The following LAMA5 variants were observed in gnomAD, a reference collection of about 807,000 sequenced individuals.
LAMA5 encodes the protein laminin subunit alpha 5.
Under a neutral mutation model 433.4 loss-of-function variants are expected in LAMA5, and 260 were observed. That is an observed-to-expected ratio of 0.60 (90% CI 0.54 to 0.66). The LOEUF is 0.66. Ranked by LOEUF, LAMA5 falls within the 30% of genes least tolerant of loss-of-function variation. The pLI, the probability that LAMA5 is intolerant of heterozygous loss-of-function variation, is 0.00. For synonymous variants in LAMA5, 2,620 were observed against 2,226.6 expected (o/e 1.18, Z -4.97); for missense variants, 5,378 against 5,258.5 (o/e 1.02, Z -0.70).
At position 62,332,671 on chromosome 20, in the gene LAMA5, G is replaced by A. The variant is rs779123920; in HGVS notation, c.3329C>T (p.Ala1110Val). The change falls in exon 27 of 80, where the codon GCC (alanine) becomes GTC (valine). Residue 1110 changes from alanine to valine, a missense_variant. Transcript: ENST00000252999. ...CTCATTGGCGTACTCCACCACTAGG[G>A]CATAGCGGCCTGGCTGTGGCACTGC... ...QVAVPQPGRY[A>V]LVVEYANEDA... 6.2e-6 allele frequency: 10 copies of A among 1,611,176 alleles called. No homozygotes were observed. Among genetic ancestry groups the A allele is most frequent in the South Asian group, 4.4e-5 (4 of 90,930 alleles).
chr20:62,314,222 GTGCA>G, intron 62 of LAMA5, 78 bp downstream of exon 62: 2 of 1,508,690 alleles, frequency 1.3e-6, no homozygotes, highest in Admixed American at 1.8e-5. Context: ...AGGGTGGTGG[GTGCA>G]CACGGAGAGG....
rs1448866468 is a variant in LAMA5, at chr20:62,326,907, A to G, written c.5172T>C (p.Asp1724=). The part of the protein sequence containing the change: ...YELHSETQRG[D]VFVPMESRPD... ...GCCTGCTCTCCATGGGGACAAAGAC[A>G]TCTCCCCGCTGGGTCTCTGAGTGCA... is the stretch of plus-strand genomic sequence containing the variant. Residue 1724 remains aspartate (D), a synonymous_variant, in exon 39 of 80, where the codon GAT becomes GAC. Coordinates refer to ENST00000252999, the MANE Select transcript of LAMA5 (RefSeq NM_005560.6). The G allele has an allele frequency of 3.7e-6, 6 of 1,612,078 alleles. No homozygotes were observed. The Admixed American group carries it at 5.0e-5, about 13-fold the overall frequency.
intron 48 of LAMA5, among the ~76,000 whole-genome samples, chr20:62,321,539 G>GCCAGTGGAGGAAGAGGGCT: frequency 1.0e-5 from 1 of 97,884 alleles, no homozygotes; most frequent in Admixed American, 1.0e-4. Context: ...AAAGGGTGGC[G>GCCAGTGGAGGAAGAGGGCT]CCAGTGGAGG....
chr20:62,319,659 T>C (rs981659221), intron 51 of LAMA5, 25 bp downstream of exon 51: 2 of 1,503,660 alleles, frequency 1.3e-6, no homozygotes, highest in Non-Finnish European at 9.0e-7. Context: ...CTCTGAGCCC[T>C]GAGCCTGGCT....
chr20:62,351,578 A>G, intron 6 of LAMA5, 126 bp downstream of exon 6: 1 of 839,312 alleles, frequency 1.2e-6, no homozygotes, highest in South Asian at 1.5e-5. Flanking sequence ...GGTCACACAG[A>G]CAGCAGGGTT....
intron 2 of LAMA5, among the ~76,000 whole-genome samples, chr20:62,361,481 GC>G (rs1986125930): frequency 6.6e-6 from 1 of 152,116 alleles, no homozygotes; most frequent in African/African-American, 2.4e-5. Flanking sequence ...CGGCCCTCCA[GC>G]CAGGCTCCAG....
rs977537172 is a variant in LAMA5 at position 62,324,493 on chromosome 20, C to A, written c.5591G>T (p.Cys1864Phe). 6.2e-7 allele frequency: 1 copy of A among 1,612,418 alleles called. No homozygotes were observed. Among genetic ancestry groups the A allele is most frequent in the Non-Finnish European group, 8.5e-7 (1 of 1,179,914 alleles). ...GCGGTCTGAGTGTCCATGGCACTGA[C>A]AAGGGACACATCGGCCCAGGAAGAG... is the stretch of plus-strand genomic sequence containing the variant. ...KGLFLGRCVP[C>F]QCHGHSDRCL... is the part of the protein sequence containing the mutation. The change falls in exon 42 of 80, where the codon TGT (cysteine) becomes TTT (phenylalanine). Residue 1864 changes from cysteine to phenylalanine, a missense_variant. Coordinates refer to ENST00000252999, the MANE Select transcript of LAMA5 (RefSeq NM_005560.6). This position sits in a 1 kb window ranked among gnomAD's most constrained non-coding sequence, Gnocchi z 4.4.
intron 11 of LAMA5, among the ~76,000 whole-genome samples, chr20:62,341,826 C>CAAAAAAAAAAAAAAA (rs11466846): frequency 7.8e-6 from 1 of 128,156 alleles, no homozygotes; most frequent in African/African-American, 3.8e-5. Context: ...TCTGATCAAC[C>CAAAAAAAAAAAAAAA]AAAAAAAAAA....
Position 62,310,662 on chromosome 20 carries a change from C to A in LAMA5, c.10446+3G>T. 1 of 1,602,144 alleles carries A rather than the reference C, an allele frequency of 6.2e-7. No individual in the cohort carries two copies. The stretch of plus-strand genomic sequence containing the variant: ...GTGGGGGCTGGGGCAAGATGGTTCT[C>A]ACCGGAAGTTTGGAGCTGTGGCTGC... On this transcript the variant is annotated splice_donor_region_variant and intron_variant, in intron 75 of 79. Coordinates refer to ENST00000252999, the MANE Select transcript of LAMA5 (RefSeq NM_005560.6).
intron 4 of LAMA5, 70 bp from the exon 5 acceptor site, chr20:62,352,149 CTTTCCCT>C (rs1243557430): frequency 2.7e-5 from 43 of 1,583,674 alleles, no homozygotes; most frequent in Non-Finnish European, 3.4e-5. Flanking sequence ...CCGGGCCCAC[CTTTCCCT>C]TCTCCAGCCC....
In LAMA5 at chr20:62,366,986, C is replaced by A; in HGVS notation, c.260G>T (p.Gly87Val). ...TEDLYCKLVG[G>V]PVAGGDPNQT... ...GTTGGGGTCGCCGCCGGCCACGGGGCCCCCTACCAGCTTGCAGTAAAGGTC... is the reference window on the plus strand; with the variant it reads ...GTTGGGGTCGCCGCCGGCCACGGGGACCCCTACCAGCTTGCAGTAAAGGTC... Residue 87 changes from glycine (G) to valine (V), a missense_variant, in exon 1 of 80, where the codon GGC becomes GTC. Coordinates refer to ENST00000252999, the MANE Select transcript of LAMA5 (RefSeq NM_005560.6). 7.8e-7 allele frequency: 1 copy of A among 1,278,754 alleles called. No homozygotes were observed. Among genetic ancestry groups the A allele is most frequent in the Non-Finnish European group, 9.9e-7 (1 of 1,013,378 alleles). 79.2% of individuals were successfully genotyped at this position (1,278,754 alleles called of 1,614,324 possible). A position where few individuals can be genotyped will look rare whatever the true frequency, so the allele number is the denominator to read the frequency against.
chr20:62,361,362 T>C (rs1986112044), intron 2 of LAMA5, among the ~76,000 whole-genome samples: 1 of 151,616 alleles, frequency 6.6e-6, no homozygotes, highest in Admixed American at 6.6e-5. Flanking sequence ...CAGGAACCCC[T>C]GGAAATTCCA....
rs1174768258 is a variant in LAMA5 at position 62,311,408 on chromosome 20, G to A, written c.9935C>T (p.Ala3312Val). 1.3e-6 allele frequency: 2 copies of A among 1,564,970 alleles called. No homozygotes were observed. Among genetic ancestry groups the A allele is most frequent in the Middle Eastern group, 3.4e-4 (2 of 5,864 alleles). ...CACCCCTGGGGTGCCCACCTTCCGG[G>A]CGGTGGCCTGCAGTCCTCTAGGCCC... ...GLGPRGLQAT[A>V]RKASRRSRQP... Residue 3312 changes from alanine to valine, a missense_variant, in exon 72 of 80, where the codon GCC becomes GTC. Physicochemically the swap from Ala to Val is moderately conservative, Grantham distance 64 (BLOSUM62 0). Transcript: ENST00000252999.
Position 62,310,763 on chromosome 20 carries a change from C to T in LAMA5, c.10348G>A (p.Glu3450Lys). The change falls in exon 75 of 80, where the codon GAG becomes AAG. Residue 3450 changes from glutamate to lysine, a missense_variant. Glu to Lys is a moderately conservative substitution (Grantham distance 56, BLOSUM62 1). Transcript: ENST00000252999. ...CCCTGGTGCTGCCGGTGCGGCCCCT[C>T]CTGGCTCCAGGCCCGGGCCCCGTCC... ...VTDGARAWSQ[E>K]GPHRQHQGAE... 1.3e-6 allele frequency: 2 copies of T among 1,565,584 alleles called. No homozygotes were observed. Among genetic ancestry groups the T allele is most frequent in the Non-Finnish European group, 1.7e-6 (2 of 1,157,160 alleles).
chr20:62,338,136 G>C lies in LAMA5; in HGVS notation c.1771C>G (p.Pro591Ala), dbSNP rs1167219929. The change falls in exon 14 of 80, where the codon CCT becomes GCT. Residue 591 changes from proline to alanine, a missense_variant. Pro to Ala is a conservative substitution (Grantham distance 27). Coordinates refer to ENST00000252999, the MANE Select transcript of LAMA5 (RefSeq NM_005560.6). ...FPLCQLCGCS[P>A]AGTLPEGCDE... ...CAGCCCTCGGGCAAGGTTCCTGCAGGGCTGCAGCCACACACTGCAGAGCGG... is the reference window on the plus strand; with the variant it reads ...CAGCCCTCGGGCAAGGTTCCTGCAGCGCTGCAGCCACACACTGCAGAGCGG... 1 of 1,586,936 alleles carries C rather than the reference G, an allele frequency of 6.3e-7. No individual in the cohort carries two copies. The highest frequency in any genetic ancestry group is 1.1e-5 in the South Asian group (1 of 87,012).
Position 62,329,023 on chromosome 20 carries a change from G to A in LAMA5, c.4268C>T (p.Ala1423Val), listed in dbSNP as rs750949736. 8.7e-6 allele frequency: 14 copies of A among 1,612,744 alleles called. 1 individual carries two copies. In the South Asian group the frequency reaches 1.4e-4, roughly 16 times the overall value. ...ATAGAAGAGGGAGAGGGAAGCAGCAGCGTTTCGGCAGAACAGGGATGAGCT... is the reference window on the plus strand; with the variant it reads ...ATAGAAGAGGGAGAGGGAAGCAGCAACGTTTCGGCAGAACAGGGATGAGCT... ...PSSSSLFCRN[A>V]AASLSLFYNN... is the part of the protein sequence containing the mutation. The change falls in exon 34 of 80, where the codon GCT becomes GTT. Residue 1423 changes from alanine (A) to valine (V), a missense_variant. By Grantham distance (64) the Ala-to-Val change is moderately conservative. Transcript: ENST00000252999.
chr20:62,327,650 T>A lies in LAMA5; in HGVS notation c.4817A>T (p.Lys1606Ile). 1 of 1,613,032 alleles carries A rather than the reference T, an allele frequency of 6.2e-7. No homozygotes were observed. The highest frequency in any genetic ancestry group is 8.5e-7 in the Non-Finnish European group (1 of 1,179,952). The change falls in exon 37 of 80, where the codon AAA (lysine) becomes ATA (isoleucine). Residue 1606 changes from lysine (K) to isoleucine (I), a missense_variant. Lys to Ile is a moderately radical substitution (Grantham distance 102). Transcript: ENST00000252999. ...CYCKENVQGPKCDQCSLGTFS... is the reference protein window; with the variant it reads ...CYCKENVQGPICDQCSLGTFS... ...GGTCCCAAGGCTGCACTGGTCACAT[T>A]TGGGGCCCTGCACGTTCTCCTAGGG...
chr20:62,336,781 A>G lies in LAMA5; in HGVS notation c.2170T>C (p.Ser724Pro), dbSNP rs768947775. Residue 724 changes from serine to proline, a missense_variant, in exon 17 of 80, where the codon TCT (serine) becomes CCT (proline). Transcript: ENST00000252999. Reference sequence around the variant, plus strand: ...GGGGCCAGACCGGCAGGGTGGCAAGAGCCAGCTGTGAAGAGAGGACCATGC... The same window carrying G: ...GGGGCCAGACCGGCAGGGTGGCAAGGGCCAGCTGTGAAGAGAGGACCATGC... ...AYNFPYCEAG[S>P]CHPAGLAPVD... The G allele has an allele frequency of 6.2e-7, 1 of 1,612,706 alleles. No individual in the cohort carries two copies. Among genetic ancestry groups the G allele is most frequent in the South Asian group, 1.1e-5 (1 of 91,058 alleles).
intron 18 of LAMA5, among the ~76,000 whole-genome samples, 197 bp downstream of exon 18, chr20:62,336,143 G>A (rs1273266519): frequency 3.8e-4 from 42 of 111,772 alleles, no homozygotes; most frequent in Admixed American, 1.2e-3. Context: ...GAGGAACCCC[G>A]CACCCCAACA....
Sources: gnomAD v4.1 joint callset for allele counts (sites outside exome capture counted in the v4.1 genomes callset) on GRCh38, gnomAD v4.1.1 for gene constraint, Gnocchi (gnomAD v3.1) non-coding constraint, MANE v1.5 for transcripts, NCBI Gene and HGNC (gene_info 2026-07-23, HGNC 2026-07-21) for gene names.